ATP13A4: variants seen among roughly 807,000 people sequenced by gnomAD.
ATP13A4 encodes the protein ATPase 13A4, also known as probable cation-transporting ATPase 13A4.
Under a neutral mutation model 142.5 loss-of-function variants are expected in ATP13A4, and 114 were observed. That is an observed-to-expected ratio of 0.80 (90% CI 0.69 to 0.93). The LOEUF (loss-of-function observed/expected upper bound fraction) is 0.93, where lower values mean the gene tolerates loss of function less well. ATP13A4 is among the 40% of genes least tolerant of loss of function. The pLI is 0.00. For synonymous variants in ATP13A4, 488 were observed against 514.8 expected, an observed-to-expected ratio of 0.95 and a Z score of 0.70; for missense variants, 1,392 against 1,454.0, an observed-to-expected ratio of 0.96 and a Z score of 0.69.
intron 8 of ATP13A4, among the ~76,000 whole-genome samples, chr3:193,477,296 TGG>T (rs1009459775): frequency 6.6e-6 from 1 of 152,102 alleles, no homozygotes; most frequent in Admixed American, 6.5e-5. Context: ...ATATAATATC[TGG>T]GATAGTTCTA....
chr3:193,510,667 G>A (rs1024023595), intron 2 of ATP13A4, among the ~76,000 whole-genome samples: 1 of 151,888 alleles, frequency 6.6e-6, no homozygotes, highest in Admixed American at 6.6e-5. Flanking sequence ...CTTAATAAGA[G>A]AAGAAGAACT....
At chr3:193,573,708 C>T (rs945947950) in intron 2 of ATP13A4, among the ~76,000 whole-genome samples, 7 of 152,176 alleles carry the variant, frequency 4.6e-5, no homozygotes, top group African/African-American at 1.7e-4. Flanking sequence ...TACCAAATCT[C>T]TCCTAGCTCA....
intron 8 of ATP13A4, among the ~76,000 whole-genome samples, chr3:193,481,316 T>A (rs79194400): frequency 1.2e-3 from 179 of 152,306 alleles, no homozygotes; most frequent in African/African-American, 4.2e-3. Flanking sequence ...CTTTAATTGG[T>A]TGGTTACATC....
chr3:193,452,765 G>A (rs1325110013), intron 17 of ATP13A4, among the ~76,000 whole-genome samples: 1 of 137,828 alleles, frequency 7.3e-6, no homozygotes, highest in Non-Finnish European at 1.5e-5. Flanking sequence ...TATTATTATA[G>A]AATATACTGT....
At chr3:193,424,527 T>G (rs769979300) in intron 25 of ATP13A4, among the ~76,000 whole-genome samples, 17 of 149,118 alleles carry the variant, frequency 1.1e-4, no homozygotes, top group Non-Finnish European at 1.9e-4. Context: ...AATAAAAACA[T>G]CTACAGTCAA....
chr3:193,494,888 T>C (rs746610186), intron 3 of ATP13A4, among the ~76,000 whole-genome samples: 2 of 151,396 alleles, frequency 1.3e-5, no homozygotes, highest in African/African-American at 2.4e-5. Context: ...AAGGGTAGAC[T>C]CAAATAAAGT....
At position 193,421,592 on chromosome 3, in the gene ATP13A4, T is replaced by C. The variant is rs185886627; in HGVS notation, c.2843-6842A>G. ...TAAAAGCCAAAACAGTCAAATATAATAGTAACTACAATACATTGTTAAGAA... is the reference window on the plus strand; with the variant it reads ...TAAAAGCCAAAACAGTCAAATATAACAGTAACTACAATACATTGTTAAGAA... On this transcript the variant is annotated intron_variant, in intron 25 of 29. Coordinates refer to ENST00000342695, the MANE Select transcript of ATP13A4 (RefSeq NM_032279.4). 1.0e-3 allele frequency among the ~76,000 whole-genome samples: 157 copies of C among 149,946 alleles called. 9 individuals carry two copies. Among genetic ancestry groups the C allele is most frequent in the African/African-American group, 3.6e-3 (148 of 40,948 alleles).
rs1716296305 is a variant in ATP13A4 at position 193,436,793 on chromosome 3, T to A, written c.2673-1049A>T. Among the ~76,000 whole-genome samples the A allele has an allele frequency of 2.7e-5, 4 of 150,738 alleles. No homozygotes were observed. In the South Asian group the frequency reaches 8.6e-4, roughly 32 times the overall value. On this transcript the variant is annotated intron_variant, in intron 23 of 29. Transcript: ENST00000342695. ...AAGTTTAAACTCATGCCCACTATGA[T>A]GTCCTAGGGTGTTAAAACCTGATCC...
At chr3:193,475,524 G>A (rs1718913420) in intron 8 of ATP13A4, among the ~76,000 whole-genome samples, 1 of 151,722 alleles carries the variant, frequency 6.6e-6, no homozygotes, top group African/African-American at 2.4e-5. Context: ...TTAAATGTAA[G>A]AATAAATAAA....
chr3:193,531,941 T>G (rs1330905435), intron 1 of ATP13A4, among the ~76,000 whole-genome samples: 1 of 152,206 alleles, frequency 6.6e-6, no homozygotes, highest in African/African-American at 2.4e-5. Context: ...CTGGCCATTA[T>G]GAGAAAATAA....
intron 17 of ATP13A4, among the ~76,000 whole-genome samples, chr3:193,451,061 T>G (rs1454501034): frequency 6.6e-6 from 1 of 152,174 alleles, no homozygotes; most frequent in Non-Finnish European, 1.5e-5. Context: ...GTTACGGGAC[T>G]CTCTCCCCTG....
intron 1 of ATP13A4, among the ~76,000 whole-genome samples, chr3:193,543,167 CAA>C (rs566660322): frequency 8.7e-6 from 1 of 115,190 alleles, no homozygotes. Flanking sequence ...GACTCCATCT[CAA>C]AAAAAAAAAA....
Position 193,536,880 on chromosome 3 carries a change from A to C in ATP13A4, c.60+17860T>G, listed in dbSNP as rs142524741. 2.8e-3 allele frequency among the ~76,000 whole-genome samples: 419 copies of C among 152,202 alleles called. 1 individual carries two copies. Among genetic ancestry groups the C allele is most frequent in the African/African-American group, 9.5e-3 (394 of 41,560 alleles). ...TACTACAATCACTCCAAAGAAATGAAATACATGTAAATTTAACAAAACACC... is the reference window on the plus strand; with the variant it reads ...TACTACAATCACTCCAAAGAAATGACATACATGTAAATTTAACAAAACACC... On this transcript the variant is annotated intron_variant, in intron 1 of 29. Transcript: ENST00000342695.
Position 193,493,001 on chromosome 3 carries a change from A to G in ATP13A4, c.453-4T>C. 3.7e-6 allele frequency: 6 copies of G among 1,607,248 alleles called. No homozygotes were observed. The highest frequency in any genetic ancestry group is 5.1e-6 in the Non-Finnish European group (6 of 1,174,500). ...ACTAAGCCAGTCTTCCAAAGAACTA[A>G]AATAATAATAATGAAAAGAACATAT... is the stretch of plus-strand genomic sequence containing the variant. On this transcript the variant is annotated splice_polypyrimidine_tract_variant and splice_region_variant and intron_variant, in intron 4 of 29. Transcript: ENST00000342695.
chr3:193,465,856 C>G (rs1237600828), intron 11 of ATP13A4, among the ~76,000 whole-genome samples, 169 bp downstream of exon 11: 1 of 152,154 alleles, frequency 6.6e-6, no homozygotes, highest in Non-Finnish European at 1.5e-5. Flanking sequence ...TATTATGGAA[C>G]TTAGTGATCA....
In ATP13A4 at chr3:193,500,662, G is replaced by A. The variant is rs559021722; in HGVS notation, c.381+1831C>T. On this transcript the variant is annotated intron_variant, in intron 3 of 29. Transcript: ENST00000342695. ...CAGAACTCAGGAGGTAATGCTCGCC[G>A]GCTTGCCAGCAGCTCACCTCCTGCT... Among the ~76,000 whole-genome samples the A allele has an allele frequency of 1.5e-4, 23 of 152,280 alleles. No individual in the cohort carries two copies. In the South Asian group the frequency reaches 4.4e-3, roughly 29 times the overall value.
intron 2 of ATP13A4, among the ~76,000 whole-genome samples, chr3:193,579,881 TGA>T (rs1231723872): frequency 1.3e-5 from 2 of 152,202 alleles, no homozygotes; most frequent in Admixed American, 1.3e-4. Context: ...AATTTTATAA[TGA>T]GATACACATA....
intron 8 of ATP13A4, among the ~76,000 whole-genome samples, chr3:193,472,497 C>T (rs905668875): frequency 4.6e-5 from 7 of 152,190 alleles, no homozygotes; most frequent in African/African-American, 1.4e-4. Flanking sequence ...AAAAGGTGAA[C>T]GTTCTCGACT....
In ATP13A4 at chr3:193,582,997, A is replaced by AAT. The variant is rs1275398515; in HGVS notation, n.92-1093_92-1092dup. ...ATATATGTATATTACATATATATAAAATATATATATGTATATTATATAGAT... is the reference window on the plus strand; with the variant it reads ...ATATATGTATATTACATATATATAAAATATATATATATGTATATTATATAGAT... On this transcript the variant is annotated intron_variant and non_coding_transcript_variant, in intron 1 of 3. Transcript: ENST00000489140. Among the ~76,000 whole-genome samples, 43 of 128,992 alleles carry AAT rather than the reference A, an allele frequency of 3.3e-4. 9 individuals carry two copies. Among genetic ancestry groups the AAT allele is most frequent in the Non-Finnish European group, 6.2e-4 (38 of 60,850 alleles). 84.6% of individuals were successfully genotyped at this position (128,992 alleles called of 152,430 possible). A position where few individuals can be genotyped will look rare whatever the true frequency, so the allele number is the denominator to read the frequency against.
Sources: gnomAD v4.1 joint callset for allele counts (sites outside exome capture counted in the v4.1 genomes callset) on GRCh38, gnomAD v4.1.1 for gene constraint, MANE v1.5 for transcripts, NCBI Gene and HGNC (gene_info 2026-07-23, HGNC 2026-07-21) for gene names.